PTPN1: variants seen among roughly 807,000 people sequenced by gnomAD.
The protein encoded by PTPN1 is protein tyrosine phosphatase non-receptor type 1.
In PTPN1, 12 loss-of-function variants were observed where a neutral mutation model predicts 59.9. The ratio of observed to expected loss-of-function variants is 0.20; its 90% CI spans 0.13 to 0.32. The LOEUF (loss-of-function observed/expected upper bound fraction) is 0.32, where lower values mean the gene tolerates loss of function less well. Among genes scored for constraint, PTPN1 ranks in the 10% least tolerant of loss-of-function variants. The pLI, the probability that PTPN1 is intolerant of heterozygous loss-of-function variation, is 1.00. For missense variants in PTPN1, 356 were observed against 549.2 expected, an observed-to-expected ratio of 0.65 and a Z score of 3.52; for synonymous variants, 178 against 203.6, an observed-to-expected ratio of 0.87 and a Z score of 1.07.
intron 1 of PTPN1, among the ~76,000 whole-genome samples, chr20:50,542,008 A>G (rs2122752022): frequency 6.6e-6 from 1 of 152,206 alleles, no homozygotes; most frequent in African/African-American, 2.4e-5. Context: ...AGTACTTTCT[A>G]CTCAACACTA....
intron 8 of PTPN1, among the ~76,000 whole-genome samples, chr20:50,580,790 A>C (rs77408388): frequency 0.01 from 1,584 of 152,316 alleles, 31 homozygotes; most frequent in African/African-American, 0.035. Context: ...GTAGTAGTGA[A>C]AAATTAGAGA....
At chr20:50,541,153 A>G (rs1568782020) in intron 1 of PTPN1, among the ~76,000 whole-genome samples, 1 of 152,200 alleles carries the variant, frequency 6.6e-6, no homozygotes, top group Admixed American at 6.5e-5. Context: ...GGATATCAGC[A>G]GGAAATTACT....
At chr20:50,529,164 C>T (rs1482697217) in intron 1 of PTPN1, among the ~76,000 whole-genome samples, 3 of 152,198 alleles carry the variant, frequency 2.0e-5, no homozygotes, top group Non-Finnish European at 4.4e-5. Context: ...ACAGACCATG[C>T]CACTCTGGAG....
chr20:50,530,288 T>G (rs903337502), intron 1 of PTPN1, among the ~76,000 whole-genome samples: 7 of 152,220 alleles, frequency 4.6e-5, no homozygotes, highest in African/African-American at 1.7e-4. Flanking sequence ...TTTCTGTTAC[T>G]TATTTTAACA....
At chr20:50,521,145 G>A (rs1001260900) in intron 1 of PTPN1, among the ~76,000 whole-genome samples, 2 of 152,132 alleles carry the variant, frequency 1.3e-5, no homozygotes, top group African/African-American at 4.8e-5. Flanking sequence ...CCCTGTGGGG[G>A]CATAAGTCAC....
chr20:50,569,945 C>T (rs1051948282), intron 4 of PTPN1, among the ~76,000 whole-genome samples: 45 of 152,206 alleles, frequency 3.0e-4, no homozygotes, highest in African/African-American at 6.5e-4. Flanking sequence ...GGCTGAGGAT[C>T]GTGGAGACCA....
chr20:50,580,890 G>A (rs1320009613), intron 8 of PTPN1, among the ~76,000 whole-genome samples: 1 of 152,216 alleles, frequency 6.6e-6, no homozygotes, highest in East Asian at 1.9e-4. Context: ...AGATCTGGGT[G>A]TACTGATGTG....
At chr20:50,557,787 C>A (rs2082732322) in intron 1 of PTPN1, 1 of 152,240 alleles carries the variant, frequency 6.6e-6, no homozygotes, top group Non-Finnish European at 1.5e-5. Flanking sequence ...CCATTTCCAA[C>A]CTGGACCAGT....
chr20:50,577,391 A>G (rs1192800652), intron 5 of PTPN1: 1 of 152,254 alleles, frequency 6.6e-6, no homozygotes, highest in Non-Finnish European at 1.5e-5. Context: ...GGCCACAGGG[A>G]AACTCTCCAG....
At chr20:50,570,466 G>A (rs962329348) in intron 4 of PTPN1, among the ~76,000 whole-genome samples, 7 of 152,220 alleles carry the variant, frequency 4.6e-5, no homozygotes, top group Admixed American at 1.3e-4. Context: ...TCAGTGAAAG[G>A]TGGTTTTTAA....
chr20:50,560,616 T>C (rs1163414427), intron 1 of PTPN1, among the ~76,000 whole-genome samples: 2 of 151,240 alleles, frequency 1.3e-5, no homozygotes, highest in East Asian at 3.9e-4. Context: ...GGGCTGTCTT[T>C]TTTTTTTTTT....
intron 1 of PTPN1, among the ~76,000 whole-genome samples, chr20:50,527,861 T>G (rs1290506802): frequency 6.6e-6 from 1 of 152,234 alleles, no homozygotes; most frequent in Non-Finnish European, 1.5e-5. Context: ...CGGTGTCTTC[T>G]CTGTTTGTTC....
At chr20:50,516,066 GTC>G (rs2082527585) in intron 1 of PTPN1, among the ~76,000 whole-genome samples, 2 of 152,206 alleles carry the variant, frequency 1.3e-5, no homozygotes, top group African/African-American at 2.4e-5. Flanking sequence ...TAATATGTTT[GTC>G]TCTCTAAGAA....
chr20:50,551,555 T>C (rs984031199), intron 1 of PTPN1, among the ~76,000 whole-genome samples: 9 of 152,350 alleles, frequency 5.9e-5, no homozygotes, highest in Admixed American at 5.9e-4. Flanking sequence ...GCGTGCACTC[T>C]GGGAGAGCCG....
intron 1 of PTPN1, among the ~76,000 whole-genome samples, chr20:50,553,706 T>A (rs897962712): frequency 5.3e-5 from 8 of 152,030 alleles, no homozygotes; most frequent in Admixed American, 2.0e-4. Flanking sequence ...AAATGACAGA[T>A]GATAAATTAG....
At chr20:50,564,276 C>T (rs2082768469) in intron 2 of PTPN1, among the ~76,000 whole-genome samples, 1 of 152,124 alleles carries the variant, frequency 6.6e-6, no homozygotes, top group Non-Finnish European at 1.5e-5. Context: ...AAGATTGAAG[C>T]CACCATATTT....
chr20:50,536,229 G>T (rs1486395288), intron 1 of PTPN1, among the ~76,000 whole-genome samples: 1 of 152,170 alleles, frequency 6.6e-6, no homozygotes, highest in Non-Finnish European at 1.5e-5. Context: ...GAACAGAAGA[G>T]TCTTACTTTT....
intron 2 of PTPN1, among the ~76,000 whole-genome samples, chr20:50,564,179 A>G (rs1352814556): frequency 6.6e-6 from 1 of 152,150 alleles, no homozygotes; most frequent in Non-Finnish European, 1.5e-5. Context: ...TTGAAGTTCG[A>G]TCTTAAATCC....
At chr20:50,570,968 A>G (rs1401223625) in intron 4 of PTPN1, 1 of 152,256 alleles carries the variant, frequency 6.6e-6, no homozygotes, top group Non-Finnish European at 1.5e-5. Flanking sequence ...AAATTACCAG[A>G]TATAGTAGCA....
Sources: gnomAD v4.1 joint callset for allele counts (sites outside exome capture counted in the v4.1 genomes callset) on GRCh38, gnomAD v4.1.1 for gene constraint, MANE v1.5 for transcripts, NCBI Gene and HGNC (gene_info 2026-07-23, HGNC 2026-07-21) for gene names.